The following MGAT4C variants were observed in gnomAD, a reference collection of about 807,000 sequenced individuals.
The protein encoded by MGAT4C is MGAT4 family member C.
A neutral mutation model predicts 40.1 loss-of-function variants in MGAT4C; 19 were observed. That is an observed-to-expected ratio of 0.47 (90% CI 0.33 to 0.70). The LOEUF is 0.70. Ranked by LOEUF, MGAT4C falls within the 30% of genes least tolerant of loss-of-function variation. The pLI is 0.02. For missense variants in MGAT4C, 491 were observed against 563.2 expected, an observed-to-expected ratio of 0.87 and a Z score of 1.30; for synonymous variants, 181 against 187.1, an observed-to-expected ratio of 0.97 and a Z score of 0.27.
At position 85,974,886 on chromosome 12, in the gene MGAT4C, A is replaced by G. The variant is rs2136666776; in HGVS notation, c.*4403T>C. 1 of 150,740 alleles carries G rather than the reference A, an allele frequency of 6.6e-6. No homozygotes were observed. The highest frequency in any genetic ancestry group is 1.9e-4 in the East Asian group (1 of 5,160). 9.3% of individuals were successfully genotyped at this position (150,740 alleles called of 1,614,324 possible). ...GTAATTTATAGGTCAGTGCATTGAT[A>G]ACTTTTGCCAATGATAGAAAAGATG... On this transcript the variant is annotated 3_prime_UTR_variant, in exon 5 of 5. Coordinates refer to ENST00000611864, the MANE Select transcript of MGAT4C (RefSeq NM_001351288.2).
chr12:86,412,327 C>G (rs1460306326), intron 3 of MGAT4C, among the ~76,000 whole-genome samples: 1 of 152,168 alleles, frequency 6.6e-6, no homozygotes, highest in African/African-American at 2.4e-5. Context: ...CAATGTTAGC[C>G]CTTGAGAGCA....
At chr12:86,394,395 C>A (rs1315122679) in intron 3 of MGAT4C, among the ~76,000 whole-genome samples, 1 of 150,550 alleles carries the variant, frequency 6.6e-6, no homozygotes, top group South Asian at 2.1e-4. Context: ...AGGCTGTATG[C>A]TCCATTGATA....
chr12:86,171,485 C>T (rs1374816360), intron 1 of MGAT4C, among the ~76,000 whole-genome samples: 1 of 152,148 alleles, frequency 6.6e-6, no homozygotes, highest in African/African-American at 2.4e-5. Context: ...GTACACAACC[C>T]CTTCACAAAT....
intron 1 of MGAT4C, among the ~76,000 whole-genome samples, chr12:86,187,567 T>G (rs968781479): frequency 1.4e-5 from 2 of 148,134 alleles, no homozygotes; most frequent in Admixed American, 1.3e-4. Flanking sequence ...TAATAAATCT[T>G]TCCTTTTAGA....
chr12:86,045,135 C>T (rs1475976865), intron 2 of MGAT4C, among the ~76,000 whole-genome samples: 1 of 152,146 alleles, frequency 6.6e-6, no homozygotes. Flanking sequence ...GCTCATAGTG[C>T]ACCAGTTTTC....
Position 86,353,217 on chromosome 12 carries a change from T to C in MGAT4C, c.-119-19090A>G, listed in dbSNP as rs186625420. Among the ~76,000 whole-genome samples the C allele has an allele frequency of 5.1e-3, 769 of 152,218 alleles. 2 individuals carry two copies. Among genetic ancestry groups the C allele is most frequent in the Non-Finnish European group, 8.2e-3 (561 of 68,006 alleles). On this transcript the variant is annotated intron_variant, in intron 3 of 7. Coordinates refer to the MGAT4C transcript ENST00000548651. The stretch of plus-strand genomic sequence containing the variant: ...TACAGTAAAGCCTCAAAACAACAGA[T>C]AGTAGGACTTTTTAAAATGTATGAT...
intron 3 of MGAT4C, among the ~76,000 whole-genome samples, chr12:86,392,221 C>T (rs901615141): frequency 1.3e-5 from 2 of 152,066 alleles, no homozygotes; most frequent in Non-Finnish European, 1.5e-5. Context: ...CCTGTAATCC[C>T]AGCACTTTGG....
At chr12:86,321,248 C>G (rs1954378397) in intron 4 of MGAT4C, among the ~76,000 whole-genome samples, 1 of 152,030 alleles carries the variant, frequency 6.6e-6, no homozygotes, top group Non-Finnish European at 1.5e-5. Flanking sequence ...TGTGAGAATT[C>G]TTAAGATAAA....
intron 2 of MGAT4C, among the ~76,000 whole-genome samples, chr12:86,502,349 G>A (rs1958361851): frequency 6.6e-6 from 1 of 151,966 alleles, no homozygotes; most frequent in Non-Finnish European, 1.5e-5. Flanking sequence ...TTGGGGTGAA[G>A]GAAGAAAATA....
At chr12:86,658,734 T>C (rs745945156) in intron 2 of MGAT4C, among the ~76,000 whole-genome samples, 1 of 152,166 alleles carries the variant, frequency 6.6e-6, no homozygotes, top group Non-Finnish European at 1.5e-5. Flanking sequence ...TTGTGTTAAA[T>C]TGTATTGTTG....
rs896702039 is a variant in MGAT4C, at chr12:86,408,493, A to C, written c.-120+26664T>G. Among the ~76,000 whole-genome samples, 505 of 132,462 alleles carry C rather than the reference A, an allele frequency of 3.8e-3. 2 individuals are homozygous for C. The highest frequency in any genetic ancestry group is 5.0e-3 in the South Asian group (21 of 4,182). The allele number at this position is 132,462 out of a possible 152,430, so 86.9% of individuals were successfully genotyped here. ...TCTCTCTCTCTCTATATATATATAT[A>C]TATATATATATATATATATATTCTT... On this transcript the variant is annotated intron_variant, in intron 3 of 7. Transcript: ENST00000548651.
chr12:86,783,519 G>C (rs1156402574), intron 1 of MGAT4C, among the ~76,000 whole-genome samples: 2 of 151,778 alleles, frequency 1.3e-5, no homozygotes, highest in Non-Finnish European at 2.9e-5. Flanking sequence ...GTAATTCTTT[G>C]GTTATTGTTT....
intron 2 of MGAT4C, among the ~76,000 whole-genome samples, chr12:86,719,934 T>A (rs1950710511): frequency 6.6e-6 from 1 of 152,204 alleles, no homozygotes; most frequent in Non-Finnish European, 1.5e-5. Flanking sequence ...CTTGGCATCA[T>A]TAAAAGACTT....
chr12:86,473,912 T>C (rs1957791668), intron 2 of MGAT4C, among the ~76,000 whole-genome samples: 1 of 152,144 alleles, frequency 6.6e-6, no homozygotes, highest in Non-Finnish European at 1.5e-5. Context: ...TAGGGTTCAC[T>C]GTGCAACAGA....
At chr12:86,811,051 CTATT>C (rs925655953) in intron 1 of MGAT4C, among the ~76,000 whole-genome samples, 7 of 103,212 alleles carry the variant, frequency 6.8e-5, no homozygotes, top group African/African-American at 2.1e-4. Context: ...TTGACATAAA[CTATT>C]TAAGAGTGTG....
At chr12:86,831,966 G>T (rs1479332913) in intron 1 of MGAT4C, among the ~76,000 whole-genome samples, 1 of 151,804 alleles carries the variant, frequency 6.6e-6, no homozygotes, top group African/African-American at 2.4e-5. Flanking sequence ...TGAGGTGATA[G>T]AAGAATAATT....
At chr12:86,073,659 G>A (rs1425248820) in intron 1 of MGAT4C, among the ~76,000 whole-genome samples, 1 of 151,970 alleles carries the variant, frequency 6.6e-6, no homozygotes, top group African/African-American at 2.4e-5. Context: ...CTGGATTTTG[G>A]ACTTGCATGG....
intron 2 of MGAT4C, among the ~76,000 whole-genome samples, chr12:86,491,401 A>G (rs566153673): frequency 7.0e-4 from 107 of 152,292 alleles, no homozygotes; most frequent in African/African-American, 2.5e-3. Context: ...CCTTAATAAA[A>G]TACTGGCAAA....
At chr12:86,076,659 G>T (rs1869786688) in intron 1 of MGAT4C, among the ~76,000 whole-genome samples, 1 of 152,128 alleles carries the variant, frequency 6.6e-6, no homozygotes, top group Non-Finnish European at 1.5e-5. Flanking sequence ...AAATGAGGAA[G>T]AGGCAAAAGC....
Sources: allele counts gnomAD v4.1 joint callset (sites outside exome capture counted in the v4.1 genomes callset), GRCh38; gene constraint gnomAD v4.1.1; transcripts MANE v1.5; gene names NCBI Gene and HGNC (gene_info 2026-07-23, HGNC 2026-07-21).